NAALADL2: variants seen among roughly 807,000 people sequenced by gnomAD.
NAALADL2 encodes N-acetylated alpha-linked acidic dipeptidase like 2.
Under a neutral mutation model 87.2 loss-of-function variants are expected in NAALADL2, and 76 were observed. That is an observed-to-expected ratio of 0.87 (90% CI 0.72 to 1.05). The LOEUF (loss-of-function observed/expected upper bound fraction) is 1.05. Among genes scored for constraint, NAALADL2 ranks in the 50% least tolerant of loss-of-function variants. NAALADL2 has a pLI of 0.00. For synonymous variants in NAALADL2, 354 were observed against 331.0 expected (o/e 1.07, Z -0.75); for missense variants, 1,089 against 945.8 (o/e 1.15, Z -1.99).
intron 2 of NAALADL2, among the ~76,000 whole-genome samples, chr3:174,577,832 A>G (rs1715702516): frequency 6.6e-6 from 1 of 152,096 alleles, no homozygotes; most frequent in Non-Finnish European, 1.5e-5. Flanking sequence ...TCTTGAAACT[A>G]TCTGACAAGA....
chr3:174,750,438 G>GT (rs975169575), intron 3 of NAALADL2, among the ~76,000 whole-genome samples: 41 of 85,610 alleles, frequency 4.8e-4, no homozygotes, highest in Middle Eastern at 4.6e-3. Flanking sequence ...ATTTTATTTT[G>GT]TTTTTTTTGG....
In NAALADL2 at chr3:175,013,095, TAA is replaced by T. The variant is rs1491202948; in HGVS notation, c.44-83693_44-83692del. 1.0e-4 allele frequency among the ~76,000 whole-genome samples: 6 copies of T among 59,390 alleles called. 1 individual carries two copies. Among genetic ancestry groups the T allele is most frequent in the Non-Finnish European group, 1.4e-4 (6 of 41,968 alleles). 39.0% of individuals were successfully genotyped at this position (59,390 alleles called of 152,430 possible). On this transcript the variant is annotated intron_variant, in intron 1 of 13. Coordinates refer to ENST00000454872, the MANE Select transcript of NAALADL2 (RefSeq NM_207015.3). ...TAAATATGTAATACATATTTATATA[TAA>T]ATATACATATTTATATATAAATATA...
chr3:174,573,569 G>A (rs1348179284), intron 2 of NAALADL2, among the ~76,000 whole-genome samples: 3 of 152,134 alleles, frequency 2.0e-5, no homozygotes, highest in Non-Finnish European at 2.9e-5. Flanking sequence ...GGCTTTACAA[G>A]TAGCATGGCA....
intron 2 of NAALADL2, among the ~76,000 whole-genome samples, chr3:174,724,967 G>A (rs1732049150): frequency 6.6e-6 from 1 of 152,134 alleles, no homozygotes. Flanking sequence ...GTGAGATCAG[G>A]AACCTGACTT....
chr3:175,462,332 C>G (rs533808466), intron 6 of NAALADL2, among the ~76,000 whole-genome samples: 14 of 152,252 alleles, frequency 9.2e-5, no homozygotes, highest in Admixed American at 3.3e-4. Context: ...TAGATTTACT[C>G]ATAGATAGAT....
chr3:175,048,984 A>C (rs1755026531), intron 1 of NAALADL2, among the ~76,000 whole-genome samples: 1 of 152,132 alleles, frequency 6.6e-6, no homozygotes, highest in Admixed American at 6.6e-5. Context: ...TAACAGTATA[A>C]ATTAGGGATG....
intron 1 of NAALADL2, among the ~76,000 whole-genome samples, chr3:175,048,986 T>A (rs990107339): frequency 2.0e-5 from 3 of 152,134 alleles, no homozygotes; most frequent in Admixed American, 2.0e-4. Flanking sequence ...ACAGTATAAA[T>A]TAGGGATGTA....
Position 175,764,263 on chromosome 3 carries a change from T to C in NAALADL2, c.2189+8845T>C, listed in dbSNP as rs1748395056. On this transcript the variant is annotated intron_variant, in intron 13 of 13. Transcript: ENST00000454872. ...TCTTGGCTAAGCAGACTATAGGGACTATCTCAGTAACTACACTTATATGAT... is the reference window on the plus strand; with the variant it reads ...TCTTGGCTAAGCAGACTATAGGGACCATCTCAGTAACTACACTTATATGAT... Among the ~76,000 whole-genome samples, 2 of 152,062 alleles carry C rather than the reference T, an allele frequency of 1.3e-5. 1 individual carries two copies. The highest frequency in any genetic ancestry group is 4.1e-4 in the South Asian group (2 of 4,834).
At chr3:175,716,811 A>C (rs1413991768) in intron 11 of NAALADL2, among the ~76,000 whole-genome samples, 1 of 152,164 alleles carries the variant, frequency 6.6e-6, no homozygotes, top group Non-Finnish European at 1.5e-5. Context: ...GTATATAAAG[A>C]ATGTTTTGGA....
At chr3:175,460,418 C>T (rs1722939303) in intron 6 of NAALADL2, among the ~76,000 whole-genome samples, 1 of 152,046 alleles carries the variant, frequency 6.6e-6, no homozygotes, top group African/African-American at 2.4e-5. Flanking sequence ...CTAGTCTTTG[C>T]CTAGTGATAC....
intron 3 of NAALADL2, among the ~76,000 whole-genome samples, chr3:174,795,400 T>C (rs1717968744): frequency 6.6e-6 from 1 of 152,168 alleles, no homozygotes; most frequent in South Asian, 2.1e-4. Context: ...ATGCTAAAAA[T>C]AGTTAAATGC....
intron 13 of NAALADL2, among the ~76,000 whole-genome samples, chr3:175,790,463 G>A (rs1171162215): frequency 6.6e-6 from 1 of 152,084 alleles, no homozygotes; most frequent in Non-Finnish European, 1.5e-5. Flanking sequence ...GCTTGAAAAA[G>A]CATTTTATTT....
intron 13 of NAALADL2, among the ~76,000 whole-genome samples, chr3:175,779,825 G>T (rs1487914335): frequency 6.6e-6 from 1 of 151,982 alleles, no homozygotes; most frequent in African/African-American, 2.4e-5. Context: ...TCAGCCCTTT[G>T]TTTCTTAGGA....
At chr3:174,768,208 G>T (rs1330230472) in intron 3 of NAALADL2, among the ~76,000 whole-genome samples, 2 of 152,132 alleles carry the variant, frequency 1.3e-5, no homozygotes. Flanking sequence ...AATTGTTTTG[G>T]AGAGGAAGTG....
intron 1 of NAALADL2, among the ~76,000 whole-genome samples, chr3:175,071,656 G>A (rs1715667599): frequency 6.6e-6 from 1 of 151,902 alleles, no homozygotes; most frequent in African/African-American, 2.4e-5. Flanking sequence ...AGTTGACTGG[G>A]GAATGTTATT....
intron 3 of NAALADL2, among the ~76,000 whole-genome samples, chr3:174,840,500 G>T (rs147590405): frequency 6.6e-6 from 1 of 152,018 alleles, no homozygotes; most frequent in African/African-American, 2.4e-5. Context: ...AGATTTGAAG[G>T]ATACATGGAA....
chr3:175,162,443 G>A (rs1446814151), intron 2 of NAALADL2, among the ~76,000 whole-genome samples: 1 of 152,146 alleles, frequency 6.6e-6, no homozygotes. Flanking sequence ...AAGAGGCAGT[G>A]TTGTGGAATA....
intron 1 of NAALADL2, among the ~76,000 whole-genome samples, chr3:175,047,233 G>A (rs1279516155): frequency 2.0e-5 from 3 of 152,060 alleles, no homozygotes; most frequent in African/African-American, 4.8e-5. Context: ...ACTGGAGGGG[G>A]GACAATTGTT....
intron 11 of NAALADL2, among the ~76,000 whole-genome samples, chr3:175,651,776 A>C (rs2149789488): frequency 6.6e-6 from 1 of 152,322 alleles, no homozygotes; most frequent in East Asian, 1.9e-4. Flanking sequence ...TTTGTTTATC[A>C]CACACTTAAT....
Sources: allele counts gnomAD v4.1 joint callset (sites outside exome capture counted in the v4.1 genomes callset), GRCh38; gene constraint gnomAD v4.1.1; transcripts MANE v1.5; gene names NCBI Gene and HGNC (gene_info 2026-07-23, HGNC 2026-07-21).